The following C19orf44 variants were observed in gnomAD, a reference collection of about 807,000 sequenced individuals.
C19orf44 encodes chromosome 19 open reading frame 44.
Under a neutral mutation model 50.7 loss-of-function variants are expected in C19orf44, and 43 were observed. That is an observed-to-expected ratio of 0.85 (90% confidence interval 0.66 to 1.09). C19orf44 has a LOEUF of 1.09. Among genes scored for constraint, C19orf44 ranks in the 50% least tolerant of loss-of-function variants. The pLI is 0.00. For synonymous variants in C19orf44, 298 were observed against 334.7 expected (o/e 0.89, Z 1.20); for missense variants, 722 against 836.2 (o/e 0.86, Z 1.68).
chr19:16,513,180 C>T (rs73513172), intron 6 of C19orf44, 71 bp downstream of exon 6: 38,242 of 1,452,814 alleles, frequency 0.026, 583 homozygotes, highest in Middle Eastern at 0.035. Flanking sequence ...GATTCACACC[C>T]ACTCTGGAGG....
rs751451818 is a variant in C19orf44, at chr19:16,520,179, C to A, written c.*126C>A. On this transcript the variant is annotated 3_prime_UTR_variant, in exon 9 of 9. Coordinates refer to ENST00000221671, the MANE Select transcript of C19orf44 (RefSeq NM_032207.4). This position sits in a 1 kb window ranked among gnomAD's most constrained non-coding sequence, Gnocchi z 4.0. ...GGTGGGGCTCCTGGACCGTGACCGG[C>A]GTCTTCTTCCTGGGGAGTACGACTT... 46 of 1,612,750 alleles carry A rather than the reference C, an allele frequency of 2.9e-5. No individual in the cohort carries two copies. Among genetic ancestry groups the A allele is most frequent in the Non-Finnish European group, 3.7e-5 (44 of 1,179,994 alleles).
chr19:16,502,992 AAAAAAAC>A (rs1391878561), intron 2 of C19orf44, 66 bp from the exon 3 acceptor site: 436 of 1,457,158 alleles, frequency 3.0e-4, no homozygotes, highest in Middle Eastern at 2.0e-3. Context: ...TTCTCAAAAA[AAAAAAAC>A]AAAAAACAAA....
chr19:16,510,482 G>A lies in C19orf44; in HGVS notation c.1639+494G>A, dbSNP rs2093454137. Among the ~76,000 whole-genome samples, 4 of 152,042 alleles carry A rather than the reference G, an allele frequency of 2.6e-5. No individual in the cohort carries two copies. In the South Asian group the frequency reaches 6.2e-4, roughly 24 times the overall value. ...AGGGACAGCCGCCCTCGTGTGTCCC[G>A]ATGTCTTCCTAGCCCTGAAGCATTC... On this transcript the variant is annotated intron_variant, in intron 5 of 8. Transcript: ENST00000221671.
intron 4 of C19orf44, among the ~76,000 whole-genome samples, chr19:16,509,266 G>T (rs901688801): frequency 6.6e-6 from 1 of 151,996 alleles, no homozygotes; most frequent in African/African-American, 2.4e-5. Context: ...TGCCATCCAC[G>T]TGCCACCTAA....
chr19:16,509,804 C>G lies in C19orf44; in HGVS notation c.1455C>G (p.Ala485=), dbSNP rs1392841730. The G allele has an allele frequency of 6.2e-7, 1 of 1,614,222 alleles. No individual in the cohort carries two copies. Among genetic ancestry groups the G allele is most frequent in the Non-Finnish European group, 8.5e-7 (1 of 1,180,040 alleles). ...SPSLTASEPT[A]HSKESLDRTL... is the part of the protein sequence containing the mutation. ...GTCTGACAGCATCTGAGCCAACCGC[C>G]CATTCCAAGGAGTCTCTTGACAGAA... Residue 485 remains alanine, a synonymous_variant, in exon 5 of 9, where the codon GCC becomes GCG. Coordinates refer to ENST00000221671, the MANE Select transcript of C19orf44 (RefSeq NM_032207.4).
At position 16,510,037 on chromosome 19, in the gene C19orf44, G is replaced by A. The variant is rs376553711; in HGVS notation, c.1639+49G>A. The A allele has an allele frequency of 3.7e-4, 599 of 1,613,552 alleles. 6 individuals carry two copies. In the Middle Eastern group the frequency reaches 6.1e-3, roughly 16 times the overall value. On this transcript the variant is annotated intron_variant, in intron 5 of 8. Transcript: ENST00000221671. The stretch of plus-strand genomic sequence containing the variant: ...CCGGGGCAGCCGGGACAGGAGCTCA[G>A]CGTGTGGTTTACAGCATCCTGGGAG...
intron 6 of C19orf44, among the ~76,000 whole-genome samples, chr19:16,513,757 A>T (rs1181725734): frequency 6.6e-6 from 1 of 152,102 alleles, no homozygotes; most frequent in Non-Finnish European, 1.5e-5. Context: ...TCCCCTGAAG[A>T]CATGTATTTG....
At chr19:16,517,150 C>G in intron 7 of C19orf44, 80 bp from the exon 8 acceptor site, 1 of 1,326,068 alleles carries the variant, frequency 7.5e-7, no homozygotes, top group Non-Finnish European at 1.1e-6. Flanking sequence ...GGTGCTGGCT[C>G]CACTCCCTCC....
rs781442650 is a variant in C19orf44 at position 16,503,237 on chromosome 19, C to T, written c.932C>T (p.Thr311Met). Residue 311 changes from threonine (T) to methionine (M), a missense_variant, in exon 3 of 9, where the codon ACG (threonine) becomes ATG (methionine). Coordinates refer to ENST00000221671, the MANE Select transcript of C19orf44 (RefSeq NM_032207.4). ...SHVSSDTASH[T>M]PSVSITGAFS... ...GTTTCCAGTGACACCGCCTCCCACA[C>T]GCCGTCAGTTTCCATCACAGGCGCC... The T allele has an allele frequency of 5.6e-6, 9 of 1,614,164 alleles. No homozygotes were observed. The highest frequency in any genetic ancestry group is 1.6e-4 in the Middle Eastern group (1 of 6,062).
At position 16,509,522 on chromosome 19, in the gene C19orf44, A is replaced by G. The variant is rs762254863; in HGVS notation, c.1173A>G (p.Lys391=). Residue 391 remains lysine, a synonymous_variant, in exon 5 of 9, where the codon AAA becomes AAG. Coordinates refer to ENST00000221671, the MANE Select transcript of C19orf44 (RefSeq NM_032207.4). The part of the protein sequence containing the change: ...EQEEESAQRQ[K]TAGKIFRAEA... ...AGGAGGAAAGTGCTCAGAGACAAAA[A>G]ACAGCTGGCAAAATCTTCAGAGCCG... 4 of 1,546,784 alleles carry G rather than the reference A, an allele frequency of 2.6e-6. No individual in the cohort carries two copies. The African/African-American group carries it at 4.2e-5, about 16-fold the overall frequency.
intron 7 of C19orf44, among the ~76,000 whole-genome samples, chr19:16,516,857 T>C (rs2093473893): frequency 6.6e-6 from 1 of 152,254 alleles, no homozygotes. Flanking sequence ...TTTGAACTCA[T>C]GCCTCTGTTG....
At chr19:16,516,118 A>T (rs557334217) in intron 7 of C19orf44, among the ~76,000 whole-genome samples, 3 of 151,974 alleles carry the variant, frequency 2.0e-5, no homozygotes, top group East Asian at 3.9e-4. Context: ...TACATAACAA[A>T]TTTTTCAGTG....
chr19:16,506,587 T>C (rs1243542416), intron 3 of C19orf44, 114 bp from the exon 4 acceptor site: 17 of 705,328 alleles, frequency 2.4e-5, no homozygotes, highest in South Asian at 6.9e-5. Flanking sequence ...AGTGAGACTC[T>C]ATCTCAAAAA....
chr19:16,507,701 A>C (rs1173930629), intron 4 of C19orf44, among the ~76,000 whole-genome samples: 1 of 151,820 alleles, frequency 6.6e-6, no homozygotes, highest in Non-Finnish European at 1.5e-5. Flanking sequence ...CATGTTGGCC[A>C]GGCTGGTTTC....
intron 2 of C19orf44, among the ~76,000 whole-genome samples, chr19:16,502,056 A>G (rs900528117): frequency 1.3e-5 from 2 of 150,982 alleles, no homozygotes; most frequent in Non-Finnish European, 2.9e-5. Flanking sequence ...GATTACAAGC[A>G]TGCACCACCA....
chr19:16,517,212 C>CT lies in C19orf44; in HGVS notation c.1903-17dup. 1.9e-6 allele frequency: 3 copies of CT among 1,612,482 alleles called. No homozygotes were observed. The highest frequency in any genetic ancestry group is 2.5e-6 in the Non-Finnish European group (3 of 1,178,802). On this transcript the variant is annotated splice_polypyrimidine_tract_variant and intron_variant, in intron 7 of 8. Coordinates refer to ENST00000221671, the MANE Select transcript of C19orf44 (RefSeq NM_032207.4). ...GAGGTGACGATGGTGATGGCGTGGT[C>CT]TGTTCTCTGCCTGACAGTACATTAG...
At chr19:16,509,448 G>A in intron 4 of C19orf44, 51 bp from the exon 5 acceptor site, 1 of 1,522,918 alleles carries the variant, frequency 6.6e-7, no homozygotes, top group African/African-American at 1.4e-5. Flanking sequence ...TTCCTAGCAT[G>A]TTGATATTTC....
chr19:16,514,629 C>T lies in C19orf44; in HGVS notation c.1868C>T (p.Ser623Phe), dbSNP rs139465792. The change falls in exon 7 of 9, where the codon TCC (serine) becomes TTC (phenylalanine). Residue 623 changes from serine (S) to phenylalanine (F), a missense_variant. Ser to Phe is a radical substitution (Grantham distance 155). Transcript: ENST00000221671. ...CTCCTGCGCTCCCTGGACGCGGACT[C>T]CTTCCACTACCACACCCTGGAGGAA... ...ASLLRSLDAD[S>F]FHYHTLEEAK... The T allele has an allele frequency of 1.3e-6, 2 of 1,586,848 alleles. No individual in the cohort carries two copies. The highest frequency in any genetic ancestry group is 1.7e-6 in the Non-Finnish European group (2 of 1,167,782).
chr19:16,508,329 C>T (rs1421894649), intron 4 of C19orf44, among the ~76,000 whole-genome samples: 1 of 151,790 alleles, frequency 6.6e-6, no homozygotes, highest in East Asian at 1.9e-4. Flanking sequence ...TCTCCAACTC[C>T]TGACCTCAGG....
Sources: allele counts gnomAD v4.1 joint callset (sites outside exome capture counted in the v4.1 genomes callset), GRCh38; gene constraint gnomAD v4.1.1; non-coding constraint Gnocchi (gnomAD v3.1); transcripts MANE v1.5; gene names NCBI Gene and HGNC (gene_info 2026-07-23, HGNC 2026-07-21).